Variants in DCDC2C observed in about 807,000 individuals in gnomAD.
DCDC2C encodes the protein doublecortin domain containing 2C.
Under a neutral mutation model 45.0 loss-of-function variants are expected in DCDC2C, and 44 were observed. That is an observed-to-expected ratio of 0.98 (90% CI 0.77 to 1.26). DCDC2C has a LOEUF of 1.26. Among genes scored for constraint, DCDC2C ranks in the 50% most tolerant of loss-of-function variants. The probability of loss-of-function intolerance (pLI) is 0.00; values close to 1 mark genes in which losing one functional copy is unlikely to be tolerated. For missense variants in DCDC2C, 447 were observed against 468.9 expected (o/e 0.95, Z 0.43); for synonymous variants, 187 against 178.8 (o/e 1.05, Z -0.37).
In DCDC2C at chr2:3,837,591, C is replaced by G. The variant is rs1186849461; in HGVS notation, c.1066-9563C>G. On this transcript the variant is annotated intron_variant, in intron 10 of 10. Coordinates refer to ENST00000399143, the MANE Select transcript of DCDC2C (RefSeq NM_001287444.2). ...AGGAGTTGTGGCTATTACAGCACGT[C>G]TGTTCTCATCTAAAGGGGAAGAAAC... Among the ~76,000 whole-genome samples the G allele has an allele frequency of 2.6e-5, 4 of 151,986 alleles. 1 individual carries two copies. The highest frequency in any genetic ancestry group is 4.4e-5 in the Non-Finnish European group (3 of 67,962).
chr2:3,743,352 A>G (rs1640891746), intron 4 of DCDC2C, among the ~76,000 whole-genome samples: 1 of 152,236 alleles, frequency 6.6e-6, no homozygotes, highest in African/African-American at 2.4e-5. Context: ...TACATCATCC[A>G]GACAGAAAGT....
At chr2:3,778,775 C>T in intron 8 of DCDC2C, 41 bp from the exon 9 acceptor site, 1 of 1,536,800 alleles carries the variant, frequency 6.5e-7, no homozygotes, top group Non-Finnish European at 8.8e-7. Context: ...AAAGGAGTTC[C>T]ACATAAGTAG....
intron 9 of DCDC2C, among the ~76,000 whole-genome samples, chr2:3,782,081 C>T (rs1183577465): frequency 6.6e-6 from 1 of 152,086 alleles, no homozygotes; most frequent in African/African-American, 2.4e-5. Context: ...CTTTTCGTCC[C>T]CTCACACCGA....
chr2:3,728,572 A>C (rs1297130968), intron 3 of DCDC2C, among the ~76,000 whole-genome samples: 2 of 152,114 alleles, frequency 1.3e-5, no homozygotes, highest in Non-Finnish European at 2.9e-5. Context: ...ATGAGAAACC[A>C]ACACAGTCTT....
intron 4 of DCDC2C, among the ~76,000 whole-genome samples, chr2:3,742,359 T>C (rs1052783285): frequency 6.6e-6 from 1 of 152,196 alleles, no homozygotes; most frequent in Non-Finnish European, 1.5e-5. Context: ...GTTGCTAGAA[T>C]GCTGCAGTTG....
At chr2:3,736,172 G>A (rs1412324305) in intron 3 of DCDC2C, among the ~76,000 whole-genome samples, 1 of 152,196 alleles carries the variant, frequency 6.6e-6, no homozygotes, top group South Asian at 2.1e-4. Context: ...ACATAGATGA[G>A]AGGGAAGGAG....
chr2:3,813,053 ATATATATATATATATTTTTTTTT>A (rs1324651744), intron 10 of DCDC2C, among the ~76,000 whole-genome samples: 1 of 93,372 alleles, frequency 1.1e-5, no homozygotes, highest in African/African-American at 6.2e-5. Flanking sequence ...ATATATATAT[ATATATATATATATATTTTTTTTT>A]TTTTGCTGTT....
Position 3,703,655 on chromosome 2 carries a change from C to T in DCDC2C, c.-97C>T. On this transcript the variant is annotated 5_prime_UTR_variant, in exon 1 of 11. Transcript: ENST00000399143. This position sits in a 1 kb window ranked among gnomAD's most constrained non-coding sequence, Gnocchi z 4.4. ...GCGCCAGCGGCTGGAGCGGACCTCC[C>T]GTCGGCGGTGCCCGGGCCTGGGCGC... 3 of 1,145,852 alleles carry T rather than the reference C, an allele frequency of 2.6e-6. No individual in the cohort carries two copies. Among genetic ancestry groups the T allele is most frequent in the South Asian group, 4.4e-5 (1 of 22,894 alleles). 71.0% of individuals were successfully genotyped at this position (1,145,852 alleles called of 1,614,324 possible).
chr2:3,705,367 T>C (rs904675400), intron 1 of DCDC2C, among the ~76,000 whole-genome samples: 1 of 152,218 alleles, frequency 6.6e-6, no homozygotes, highest in African/African-American at 2.4e-5. Context: ...GACAAAATTA[T>C]ATTCCTTTAT....
rs373580354 is a variant in DCDC2C, at chr2:3,731,559, C to T, written c.416+4480C>T. Reference sequence around the variant, plus strand: ...AATGTAACATTAACCATCATCTTCTCACTGATTGCGCCTTTTAGTCCTGTT... The same window carrying T: ...AATGTAACATTAACCATCATCTTCTTACTGATTGCGCCTTTTAGTCCTGTT... On this transcript the variant is annotated intron_variant, in intron 3 of 10. Transcript: ENST00000399143. 2.4e-3 allele frequency among the ~76,000 whole-genome samples: 361 copies of T among 152,328 alleles called. 6 individuals are homozygous for T. Among genetic ancestry groups the T allele is most frequent in the Middle Eastern group, 0.01 (3 of 294 alleles).
intron 1 of DCDC2C, 21 bp downstream of exon 1, chr2:3,704,059 C>A: frequency 2.4e-6 from 3 of 1,245,490 alleles, no homozygotes; most frequent in African/African-American, 1.6e-5. Flanking sequence ...CCGCGCCCCC[C>A]ACGCGCCCTG....
Position 3,727,011 on chromosome 2 carries a change from AGTGGTGCATTGT to A in DCDC2C, c.350_361del (p.Val117_Cys120del). On this transcript the variant is annotated inframe_deletion, in exon 3 of 11. Transcript: ENST00000399143. ...GTTTTTTCCTTTTTCAGATCAAACCAGTGGTGCATTGTGATATAAATGTGCCTTCCAAGTGGC... is the reference window on the plus strand; with the variant it reads ...GTTTTTTCCTTTTTCAGATCAAACCAGATATAAATGTGCCTTCCAAGTGGC... 10 of 1,550,492 alleles carry A rather than the reference AGTGGTGCATTGT, an allele frequency of 6.4e-6. No homozygotes were observed. Among genetic ancestry groups the A allele is most frequent in the Non-Finnish European group, 8.7e-6 (10 of 1,146,926 alleles).
At position 3,758,967 on chromosome 2, in the gene DCDC2C, T is replaced by C. The variant is rs1017326089; in HGVS notation, c.726+4333T>C. The stretch of plus-strand genomic sequence containing the variant: ...AGAGCCGATTCACTTTGCAAACCTG[T>C]GTGCAGCCTGAGAGGGGAGGGCTGT... On this transcript the variant is annotated intron_variant, in intron 6 of 10. Coordinates refer to ENST00000399143, the MANE Select transcript of DCDC2C (RefSeq NM_001287444.2). Among the ~76,000 whole-genome samples the C allele has an allele frequency of 1.1e-4, 16 of 152,178 alleles. No homozygotes were observed. In the East Asian group the frequency reaches 3.1e-3, roughly 29 times the overall value.
At chr2:3,844,696 TA>T (rs1672285222) in intron 10 of DCDC2C, 1 of 152,240 alleles carries the variant, frequency 6.6e-6, no homozygotes, top group Non-Finnish European at 1.5e-5. Flanking sequence ...GGCAAGACTT[TA>T]AGTTTTTAAA....
chr2:3,742,234 A>G (rs1035267770), intron 4 of DCDC2C, among the ~76,000 whole-genome samples, 186 bp downstream of exon 4: 1 of 152,296 alleles, frequency 6.6e-6, no homozygotes, highest in African/African-American at 2.4e-5. Context: ...GGCCTCATTC[A>G]TTTATTCATT....
At chr2:3,743,996 A>G (rs1055570478) in intron 4 of DCDC2C, among the ~76,000 whole-genome samples, 3 of 152,178 alleles carry the variant, frequency 2.0e-5, no homozygotes, top group Non-Finnish European at 4.4e-5. Context: ...AATGGACTCT[A>G]AAAATGGGAG....
intron 10 of DCDC2C, among the ~76,000 whole-genome samples, chr2:3,819,250 C>T (rs1030877947): frequency 3.3e-5 from 5 of 152,178 alleles, no homozygotes; most frequent in South Asian, 4.1e-4. Flanking sequence ...GGCTGCCAGG[C>T]GAGTTGGACA....
At chr2:3,743,215 T>C (rs1362920240) in intron 4 of DCDC2C, among the ~76,000 whole-genome samples, 1 of 110,480 alleles carries the variant, frequency 9.1e-6, no homozygotes, top group Non-Finnish European at 2.0e-5. Flanking sequence ...CAATTATCAA[T>C]ATATATATGC....
intron 10 of DCDC2C, among the ~76,000 whole-genome samples, chr2:3,795,865 C>A (rs1670937686): frequency 7.5e-6 from 1 of 134,082 alleles, no homozygotes; most frequent in African/African-American, 2.9e-5. Context: ...TTTTTTGGTT[C>A]CATATGAACT....
Sources: allele counts gnomAD v4.1 joint callset (sites outside exome capture counted in the v4.1 genomes callset), GRCh38; gene constraint gnomAD v4.1.1; non-coding constraint Gnocchi (gnomAD v3.1); transcripts MANE v1.5; gene names NCBI Gene and HGNC (gene_info 2026-07-23, HGNC 2026-07-21).